The following MAU2 variants were observed in gnomAD, a reference collection of about 807,000 sequenced individuals.
MAU2 encodes MAU2 sister chromatid cohesion factor, also known as MAU2 chromatid cohesion factor homolog.
MAU2 carries 9 observed loss-of-function variants against 89.1 expected under a neutral mutation model. The ratio of observed to expected loss-of-function variants is 0.10; its 90% confidence interval spans 0.06 to 0.18. MAU2 has a LOEUF of 0.18. Among genes scored for constraint, MAU2 ranks in the 10% least tolerant of loss-of-function variants. The pLI is 1.00. For missense variants in MAU2, 425 were observed against 803.5 expected, an observed-to-expected ratio of 0.53 and a Z score of 5.69; for synonymous variants, 357 against 343.4, an observed-to-expected ratio of 1.04 and a Z score of -0.44.
intron 17 of MAU2, chr19:19,354,691 TC>T: frequency 1.9e-6 from 1 of 539,874 alleles, no homozygotes; most frequent in Non-Finnish European, 3.4e-6. Flanking sequence ...CGACTTGGTA[TC>T]TGGTAGACTT....
At chr19:19,340,713 G>A (rs547014279) in intron 5 of MAU2, 133 bp from the exon 6 acceptor site, 539 of 646,098 alleles carry the variant, frequency 8.3e-4, no homozygotes, top group Non-Finnish European at 1.3e-3. Context: ...TCTTGTAAGG[G>A]GACTGTTCTC....
chr19:19,321,329 G>GC lies in MAU2; in HGVS notation c.276+200dup, dbSNP rs570445542. Among the ~76,000 whole-genome samples, 203 of 152,228 alleles carry GC rather than the reference G, an allele frequency of 1.3e-3. 1 individual carries two copies. The highest frequency in any genetic ancestry group is 4.7e-3 in the African/African-American group (195 of 41,548). On this transcript the variant is annotated intron_variant, in intron 1 of 18. Coordinates refer to ENST00000262815, the MANE Select transcript of MAU2 (RefSeq NM_015329.4). ...GCCTCTCAAGGGACACGAAAGCCTCGCCCCCCACGCCTTATTTCCCGTTTC... is the reference window on the plus strand; with the variant it reads ...GCCTCTCAAGGGACACGAAAGCCTCGCCCCCCCACGCCTTATTTCCCGTTTC...
At chr19:19,347,426 CAG>C in intron 13 of MAU2, 60 bp downstream of exon 13, 2 of 1,402,878 alleles carry the variant, frequency 1.4e-6, no homozygotes, top group African/African-American at 2.8e-5. Flanking sequence ...TTTGGGGAAC[CAG>C]GGGGTTGTCC....
At chr19:19,329,096 A>G (rs1240286159) in intron 1 of MAU2, 1 of 455,830 alleles carries the variant, frequency 2.2e-6, no homozygotes, top group Non-Finnish European at 4.4e-6. Flanking sequence ...AAGTGATTAA[A>G]TGCTTCCTTT....
intron 1 of MAU2, among the ~76,000 whole-genome samples, chr19:19,323,226 C>T (rs1844764670): frequency 2.2e-5 from 3 of 138,542 alleles, no homozygotes; most frequent in East Asian, 2.2e-4. Flanking sequence ...GACAGATTCT[C>T]GCTTTGTCAC....
At chr19:19,335,582 A>G in intron 1 of MAU2, 136 bp from the exon 2 acceptor site, 1 of 816,956 alleles carries the variant, frequency 1.2e-6, no homozygotes, top group Non-Finnish European at 2.1e-6. Flanking sequence ...TCTCAGGCCA[A>G]GCGGGCCGCC....
chr19:19,347,541 T>C, intron 13 of MAU2, 175 bp downstream of exon 13: 1 of 583,602 alleles, frequency 1.7e-6, no homozygotes, highest in Non-Finnish European at 3.1e-6. Context: ...AATCGGGCTA[T>C]GGCCGGGGGA....
rs757904070 is a variant in MAU2 at position 19,341,315 on chromosome 19, G to C, written c.643G>C (p.Val215Leu). Residue 215 changes from valine (V) to leucine (L), a missense_variant, in exon 7 of 19, where the codon GTG (valine) becomes CTG (leucine). This residue lies in a region of MAU2 where 119 missense variants were observed against 299.8 expected (regional missense o/e 0.40). Transcript: ENST00000262815. ...GCTGCTGACCCTCTGCGGGCAGATC[G>C]TGGAGAACTGGCAGGGGAACCCCAT... Reference protein sequence around the residue: ...HPLLTLCGQIVENWQGNPIQK... With the variant: ...HPLLTLCGQILENWQGNPIQK... 1.2e-6 allele frequency: 2 copies of C among 1,613,372 alleles called. No homozygotes were observed. The highest frequency in any genetic ancestry group is 3.3e-5 in the Admixed American group (2 of 59,998).
Position 19,356,456 on chromosome 19 carries a change from C to T in MAU2, c.*674C>T, listed in dbSNP as rs898018137. On this transcript the variant is annotated 3_prime_UTR_variant, in exon 19 of 19. Coordinates refer to ENST00000262815, the MANE Select transcript of MAU2 (RefSeq NM_015329.4). ...GTGGGGGTGCAGGTGATTGTAAACA[C>T]GGGTGTGCATGTGGATGCACACGGG... 2.1e-5 allele frequency: 5 copies of T among 237,452 alleles called. No individual in the cohort carries two copies. Among genetic ancestry groups the T allele is most frequent in the South Asian group, 9.7e-5 (2 of 20,682 alleles). The allele number at this position is 237,452 out of a possible 1,614,324, so 14.7% of individuals were successfully genotyped here. A position where few individuals can be genotyped will look rare whatever the true frequency, so the allele number is the denominator to read the frequency against.
intron 16 of MAU2, among the ~76,000 whole-genome samples, chr19:19,350,675 C>T (rs992427415): frequency 2.3e-4 from 35 of 150,624 alleles, no homozygotes; most frequent in Admixed American, 1.3e-4. Flanking sequence ...CCAAGGCGGG[C>T]AGATCACAAG....
chr19:19,322,526 G>T (rs1705670174), intron 1 of MAU2, among the ~76,000 whole-genome samples: 2 of 152,192 alleles, frequency 1.3e-5, no homozygotes, highest in Admixed American at 1.3e-4. Flanking sequence ...CTAAGCCCCG[G>T]GAGGTCGTGG....
At chr19:19,326,879 G>A (rs991169254) in intron 1 of MAU2, among the ~76,000 whole-genome samples, 3 of 150,214 alleles carry the variant, frequency 2.0e-5, no homozygotes, top group East Asian at 1.9e-4. Context: ...ACAACAGACC[G>A]AGACCCTGTC....
At chr19:19,334,052 C>A in intron 1 of MAU2, 1 of 450,670 alleles carries the variant, frequency 2.2e-6, no homozygotes, top group Non-Finnish European at 2.9e-6. Flanking sequence ...CAGTTGGTGG[C>A]CTTCCAGAGC....
At chr19:19,344,742 C>A in intron 10 of MAU2, 107 bp from the exon 11 acceptor site, 1 of 874,578 alleles carries the variant, frequency 1.1e-6, no homozygotes, top group South Asian at 1.4e-5. Context: ...CCAGTTTGGT[C>A]AGACAGGACA....
chr19:19,335,782 T>G (rs1302702111), intron 2 of MAU2, 47 bp downstream of exon 2: 15 of 1,601,744 alleles, frequency 9.4e-6, no homozygotes, highest in Non-Finnish European at 1.2e-5. Flanking sequence ...ATTCTCCACT[T>G]AAATAAAAAG....
chr19:19,327,121 CTT>C (rs768273058), intron 1 of MAU2, among the ~76,000 whole-genome samples: 12 of 114,236 alleles, frequency 1.1e-4, no homozygotes, highest in Admixed American at 1.9e-4. Context: ...TCCCCAGGAG[CTT>C]TTTTTTTTTT....
intron 12 of MAU2, chr19:19,346,989 G>C: frequency 2.7e-6 from 1 of 374,668 alleles, no homozygotes; most frequent in East Asian, 5.5e-5. Flanking sequence ...TCAGTCCTGA[G>C]AGACAGTGGA....
chr19:19,346,342 GTTGCTA>G (rs2061692797), intron 12 of MAU2, among the ~76,000 whole-genome samples: 2 of 152,088 alleles, frequency 1.3e-5, no homozygotes, highest in Non-Finnish European at 2.9e-5. Flanking sequence ...CCCACAAGTG[GTTGCTA>G]TTGCTGGTTT....
At chr19:19,338,710 A>G (rs2061616429) in intron 4 of MAU2, 135 bp from the exon 5 acceptor site, 2 of 634,144 alleles carry the variant, frequency 3.2e-6, no homozygotes, top group Non-Finnish European at 5.6e-6. Flanking sequence ...AATTTGGTTA[A>G]TTTAGCTCAA....
Sources: gnomAD v4.1 joint callset for allele counts (sites outside exome capture counted in the v4.1 genomes callset) on GRCh38, gnomAD v4.1.1 for gene constraint, gnomAD v4.1.1 regional missense constraint, MANE v1.5 for transcripts, NCBI Gene and HGNC (gene_info 2026-07-23, HGNC 2026-07-21) for gene names.